The following TUSC3 variants were observed in gnomAD, a reference collection of about 807,000 sequenced individuals.
The protein encoded by TUSC3 is tumor suppressor candidate 3, also known as dolichyl-diphosphooligosaccharide--protein glycosyltransferase subunit TUSC3.
TUSC3 carries 45 observed loss-of-function variants against 44.8 expected under a neutral mutation model. The ratio of observed to expected loss-of-function variants is 1.00; its 90% CI spans 0.79 to 1.29. The LOEUF (loss-of-function observed/expected upper bound fraction) is 1.29, where lower values mean the gene tolerates loss of function less well. Ranked by LOEUF, TUSC3 falls within the 50% of genes most tolerant of loss-of-function variation. The pLI, the probability that TUSC3 is intolerant of heterozygous loss-of-function variation, is 0.00. For synonymous variants in TUSC3, 212 were observed against 152.9 expected (o/e 1.39, Z -2.85); for missense variants, 519 against 437.9 (o/e 1.19, Z -1.65).
chr8:15,563,121 C>T (rs1022850588), intron 1 of TUSC3, among the ~76,000 whole-genome samples: 16 of 152,130 alleles, frequency 1.1e-4, no homozygotes, highest in African/African-American at 3.9e-4. Flanking sequence ...CCCATATAAA[C>T]AGGCATGACA....
intron 6 of TUSC3, among the ~76,000 whole-genome samples, chr8:15,729,530 C>A (rs1810630035): frequency 6.6e-6 from 1 of 152,142 alleles, no homozygotes; most frequent in Non-Finnish European, 1.5e-5. Context: ...GAATAGTACA[C>A]AGCCATAGAA....
chr8:15,559,617 A>G lies in TUSC3; in HGVS notation c.138+19049A>G, dbSNP rs1457693900. On this transcript the variant is annotated intron_variant, in intron 1 of 10. Coordinates refer to ENST00000503731, the MANE Select transcript of TUSC3 (RefSeq NM_006765.4). ...TGACGGTGGGGTGCTAAAGTCTCCC[A>G]TTATTAATGTGTGGGAGTCTAATTC... Among the ~76,000 whole-genome samples, 10 of 139,516 alleles carry G rather than the reference A, an allele frequency of 7.2e-5. 1 individual carries two copies. The highest frequency in any genetic ancestry group is 2.4e-4 in the African/African-American group (9 of 38,000). 91.5% of individuals were successfully genotyped at this position (139,516 alleles called of 152,430 possible). A position where few individuals can be genotyped will look rare whatever the true frequency, so the allele number is the denominator to read the frequency against.
chr8:15,657,118 T>TA, intron 3 of TUSC3, among the ~76,000 whole-genome samples: 1 of 152,312 alleles, frequency 6.6e-6, no homozygotes, highest in South Asian at 2.1e-4. Flanking sequence ...TGATGAGTAA[T>TA]ACCTGGCTTC....
intron 1 of TUSC3, among the ~76,000 whole-genome samples, chr8:15,457,586 T>C (rs1484422212): frequency 2.7e-5 from 4 of 150,708 alleles, no homozygotes; most frequent in African/African-American, 9.7e-5. Context: ...ACGAGAAAAA[T>C]GTATTACAGT....
At chr8:15,594,826 G>A (rs1483734094) in intron 1 of TUSC3, among the ~76,000 whole-genome samples, 1 of 152,128 alleles carries the variant, frequency 6.6e-6, no homozygotes, top group African/African-American at 2.4e-5. Flanking sequence ...ACAGATTCAT[G>A]ACTTACAGGC....
chr8:15,751,485 T>C (rs1209466024), intron 9 of TUSC3, among the ~76,000 whole-genome samples: 3 of 152,154 alleles, frequency 2.0e-5, no homozygotes, highest in African/African-American at 4.8e-5. Context: ...GTTCTCACTC[T>C]CTCAACATGA....
intron 1 of TUSC3, among the ~76,000 whole-genome samples, chr8:15,445,236 A>G (rs1052076194): frequency 3.9e-5 from 6 of 152,198 alleles, no homozygotes; most frequent in African/African-American, 1.4e-4. Flanking sequence ...CAATAGTTTG[A>G]GAATAAGGAG....
intron 6 of TUSC3, among the ~76,000 whole-genome samples, chr8:15,686,239 A>G (rs1331437148): frequency 6.6e-6 from 1 of 152,212 alleles, no homozygotes; most frequent in Non-Finnish European, 1.5e-5. Context: ...ATAATCTTTA[A>G]CAATATGCAT....
intron 2 of TUSC3, among the ~76,000 whole-genome samples, chr8:15,483,661 T>TA (rs1800695508): frequency 7.2e-6 from 1 of 138,456 alleles, no homozygotes; most frequent in Non-Finnish European, 1.6e-5. Flanking sequence ...TTTTTTTTTT[T>TA]TTTTTTTTTT....
chr8:15,611,322 G>C (rs1222416106), intron 1 of TUSC3, among the ~76,000 whole-genome samples: 1 of 152,110 alleles, frequency 6.6e-6, no homozygotes, highest in Non-Finnish European at 1.5e-5. Flanking sequence ...AAGTAGCTGA[G>C]ATTACAGGCA....
At chr8:15,443,929 C>T (rs1280555862) in intron 1 of TUSC3, among the ~76,000 whole-genome samples, 1 of 152,066 alleles carries the variant, frequency 6.6e-6, no homozygotes, top group Non-Finnish European at 1.5e-5. Flanking sequence ...TCAATTCTGC[C>T]TAACCAATCA....
upstream of TUSC3, among the ~76,000 whole-genome samples, chr8:15,539,906 G>C (rs557838378): frequency 6.6e-6 from 1 of 152,114 alleles, no homozygotes; most frequent in Non-Finnish European, 1.5e-5. Flanking sequence ...TGAAGGAGAA[G>C]AGCTGTGTTC....
At chr8:15,531,787 C>A (rs1801454190) in intron 2 of TUSC3, among the ~76,000 whole-genome samples, 1 of 152,182 alleles carries the variant, frequency 6.6e-6, no homozygotes, top group Admixed American at 6.5e-5. Flanking sequence ...CATGTTTTCT[C>A]AATTATACGG....
intron 2 of TUSC3, among the ~76,000 whole-genome samples, chr8:15,634,686 A>G (rs1805983212): frequency 6.6e-6 from 1 of 152,142 alleles, no homozygotes; most frequent in Non-Finnish European, 1.5e-5. Flanking sequence ...AAAAGATTTT[A>G]CTGTCTCTCC....
the TUSC3 span, among the ~76,000 whole-genome samples, chr8:15,829,149 G>C: frequency 0.11 from 15,971 of 151,860 alleles, 946 homozygotes; most frequent in East Asian, 0.25. Flanking sequence ...CACTACAATT[G>C]CATGGTGTAT....
the TUSC3 span, among the ~76,000 whole-genome samples, chr8:15,826,280 G>A: frequency 6.6e-5 from 10 of 152,062 alleles, no homozygotes; most frequent in Non-Finnish European, 1.0e-4. Context: ...ATTTAAGTAC[G>A]AATGGGATTT....
intron 1 of TUSC3, among the ~76,000 whole-genome samples, chr8:15,587,771 C>G (rs894506349): frequency 1.3e-5 from 2 of 152,038 alleles, no homozygotes; most frequent in African/African-American, 4.8e-5. Flanking sequence ...CTACTCTCTA[C>G]TAGTATGAAC....
intron 1 of TUSC3, among the ~76,000 whole-genome samples, chr8:15,555,353 G>C (rs1039609543): frequency 7.4e-6 from 1 of 135,182 alleles, no homozygotes; most frequent in South Asian, 2.4e-4. Context: ...GGAGTGCAGT[G>C]CTGGGGGATC....
chr8:15,670,839 C>T (rs547432761), intron 5 of TUSC3, among the ~76,000 whole-genome samples: 25 of 151,762 alleles, frequency 1.6e-4, no homozygotes, highest in African/African-American at 4.8e-4. Context: ...CTTGACAAAA[C>T]AAGAATAAGA....
Sources: allele counts gnomAD v4.1 joint callset (sites outside exome capture counted in the v4.1 genomes callset), GRCh38; gene constraint gnomAD v4.1.1; transcripts MANE v1.5; gene names NCBI Gene and HGNC (gene_info 2026-07-23, HGNC 2026-07-21).